Variants in BPIFA2 observed in about 807,000 individuals in gnomAD.
BPIFA2 encodes the protein BPI fold containing family A member 2.
BPIFA2 carries 20 observed loss-of-function variants against 25.7 expected under a neutral mutation model. The ratio of observed to expected loss-of-function variants is 0.78; its 90% CI spans 0.55 to 1.13. BPIFA2 has a LOEUF of 1.13. BPIFA2 is among the 50% of genes most tolerant of loss of function. BPIFA2 has a pLI of 0.00. For synonymous variants in BPIFA2, 126 were observed against 124.3 expected (o/e 1.01, Z -0.09); for missense variants, 300 against 298.1 (o/e 1.01, Z -0.05).
In BPIFA2 at chr20:33,175,459, G is replaced by C. The variant is rs372285288; in HGVS notation, c.463G>C (p.Ala155Pro). Residue 155 changes from alanine (A) to proline (P), a missense_variant, in exon 5 of 9, where the codon GCA becomes CCA. By Grantham distance (27) the Ala-to-Pro change is conservative. Transcript: ENST00000354932. ...GAAAGCCTCCTTGGACCTCCTGACCGCAGTCACAATTGAAACTGATCCCCA... is the reference window on the plus strand; with the variant it reads ...GAAAGCCTCCTTGGACCTCCTGACCCCAGTCACAATTGAAACTGATCCCCA... ...NLKASLDLLT[A>P]VTIETDPQTH... is the part of the protein sequence containing the mutation. 11 of 1,613,840 alleles carry C rather than the reference G, an allele frequency of 6.8e-6. No homozygotes were observed. In the South Asian group the frequency reaches 1.2e-4, roughly 18 times the overall value.
chr20:33,174,889 C>T lies in BPIFA2; in HGVS notation c.411-518C>T, dbSNP rs553911601. Among the ~76,000 whole-genome samples, 86 of 152,114 alleles carry T rather than the reference C, an allele frequency of 5.7e-4. 1 individual carries two copies. The highest frequency in any genetic ancestry group is 1.8e-3 in the African/African-American group (74 of 41,484). ...TTGCACCACTGCATTCCAGCCTGGGCGACAGAGTGAGACCCTGTCTCACAA... is the reference window on the plus strand; with the variant it reads ...TTGCACCACTGCATTCCAGCCTGGGTGACAGAGTGAGACCCTGTCTCACAA... On this transcript the variant is annotated intron_variant, in intron 4 of 8. Transcript: ENST00000354932.
At position 33,176,958 on chromosome 20, in the gene BPIFA2, C is replaced by T. The variant is rs544827634; in HGVS notation, c.564-1189C>T. ...CTTCAGGGCCTTCCCAGGGCTCCTC[C>T]TATTCTCTCTCGTAAGAGTCTAACT... On this transcript the variant is annotated intron_variant, in intron 5 of 8. Transcript: ENST00000354932. Among the ~76,000 whole-genome samples, 4 of 152,330 alleles carry T rather than the reference C, an allele frequency of 2.6e-5. No homozygotes were observed. The East Asian group carries it at 7.7e-4, about 29-fold the overall frequency.
intron 3 of BPIFA2, 24 bp from the exon 4 acceptor site, chr20:33,174,055 G>T (rs763143194): frequency 6.3e-7 from 1 of 1,597,526 alleles, no homozygotes; most frequent in Non-Finnish European, 8.6e-7. Flanking sequence ...GGAGTGACAA[G>T]GGTGAATTGT....
upstream of BPIFA2, among the ~76,000 whole-genome samples, chr20:33,164,885 A>C (rs1177819466): frequency 6.6e-6 from 1 of 152,272 alleles, no homozygotes; most frequent in African/African-American, 2.4e-5. Context: ...TTCAGGGAAC[A>C]TTCCATGGGA....
At chr20:33,172,683 T>G (rs1320126818) in intron 2 of BPIFA2, among the ~76,000 whole-genome samples, 1 of 152,128 alleles carries the variant, frequency 6.6e-6, no homozygotes. Context: ...TCAGTATATA[T>G]TATTAATAGT....
Position 33,169,149 on chromosome 20 carries a change from C to T in BPIFA2, c.4C>T (p.Leu2Phe), listed in dbSNP as rs753094139. ...TGTCCAGGTGTCAAGACAAAAGATGCTTCAGCTTTGGAAACTTGTTCTCCT... is the reference window on the plus strand; with the variant it reads ...TGTCCAGGTGTCAAGACAAAAGATGTTTCAGCTTTGGAAACTTGTTCTCCT... The part of the protein sequence containing the change: M[L>F]QLWKLVLLCG... The change falls in exon 2 of 9, where the codon CTT (leucine) becomes TTT (phenylalanine). Residue 2 changes from leucine to phenylalanine, a missense_variant. Transcript: ENST00000354932. 1.9e-6 allele frequency: 3 copies of T among 1,614,004 alleles called. No individual in the cohort carries two copies. Among genetic ancestry groups the T allele is most frequent in the Non-Finnish European group, 2.5e-6 (3 of 1,179,890 alleles).
At chr20:33,175,669 C>A (rs1056138673) in intron 5 of BPIFA2, 110 bp downstream of exon 5, 4 of 1,214,080 alleles carry the variant, frequency 3.3e-6, no homozygotes, top group Admixed American at 5.0e-5. Context: ...AGTGTTCAGG[C>A]TCTGGAGTCA....
intron 6 of BPIFA2, 54 bp from the exon 7 acceptor site, chr20:33,179,550 A>T (rs371604105): frequency 1.4e-6 from 2 of 1,448,236 alleles, no homozygotes; most frequent in Non-Finnish European, 1.9e-6. Context: ...GAGAAGAATG[A>T]TCTGTTCTTC....
intron 1 of BPIFA2, chr20:33,161,901 A>G (rs1024179481): frequency 6.6e-5 from 10 of 152,244 alleles, no homozygotes; most frequent in African/African-American, 2.4e-4. Context: ...CTGAGGTGGT[A>G]AGCCAAGACC....
At chr20:33,166,476 G>A (rs1297228234), upstream of BPIFA2, among the ~76,000 whole-genome samples, 1 of 152,192 alleles carries the variant, frequency 6.6e-6, no homozygotes, top group Non-Finnish European at 1.5e-5. Context: ...CCTACCCTAT[G>A]CTAAGCCTTC....
intron 4 of BPIFA2, among the ~76,000 whole-genome samples, chr20:33,174,946 G>C (rs1321425): frequency 0.062 from 9,448 of 152,134 alleles, 1,011 homozygotes; most frequent in African/African-American, 0.22. Flanking sequence ...AAAGGAGATA[G>C]ACAAGAAATG....
upstream of BPIFA2, among the ~76,000 whole-genome samples, chr20:33,165,976 T>C (rs1983711317): frequency 6.6e-6 from 1 of 152,108 alleles, no homozygotes. Flanking sequence ...TTATATATTA[T>C]ATAATATTAA....
chr20:33,172,744 C>T (rs117186940), intron 2 of BPIFA2, among the ~76,000 whole-genome samples, 188 bp from the exon 3 acceptor site: 5,279 of 152,156 alleles, frequency 0.035, 136 homozygotes, highest in Non-Finnish European at 0.062. Flanking sequence ...TGGCTAGACA[C>T]GTTTCTTAAC....
chr20:33,175,694 T>C, intron 5 of BPIFA2, 135 bp downstream of exon 5: 1 of 944,172 alleles, frequency 1.1e-6, no homozygotes, highest in Non-Finnish European at 1.5e-6. Context: ...GACCTTGGTT[T>C]ACACATCAGC....
At chr20:33,169,931 C>T (rs117943415) in intron 2 of BPIFA2, among the ~76,000 whole-genome samples, 2,421 of 152,258 alleles carry the variant, frequency 0.016, 35 homozygotes, top group Middle Eastern at 0.045. Context: ...TTTATACCTC[C>T]TTTTTATGCT....
At chr20:33,172,458 G>T (rs1297189377) in intron 2 of BPIFA2, among the ~76,000 whole-genome samples, 14 of 151,898 alleles carry the variant, frequency 9.2e-5, no homozygotes, top group African/African-American at 3.4e-4. Context: ...TGTCATTCTG[G>T]GACTCTCGTT....
chr20:33,173,080 AG>A lies in BPIFA2; in HGVS notation c.302+5del. ...CAACTAACACGGACATTTTTGGGTGAGTTGGTCCTTCAGGGTGGAGATCTTT... is the reference window on the plus strand; with the variant it reads ...CAACTAACACGGACATTTTTGGGTGATTGGTCCTTCAGGGTGGAGATCTTT... On this transcript the variant is annotated splice_donor_5th_base_variant and intron_variant, in intron 3 of 8. Transcript: ENST00000354932. 6.2e-7 allele frequency: 1 copy of A among 1,613,490 alleles called. No individual in the cohort carries two copies. The highest frequency in any genetic ancestry group is 8.5e-7 in the Non-Finnish European group (1 of 1,179,726).
At position 33,172,938 on chromosome 20, in the gene BPIFA2, T is replaced by G; in HGVS notation, c.164T>G (p.Leu55Arg). The change falls in exon 3 of 9, where the codon CTT becomes CGT. Residue 55 changes from leucine (L) to arginine (R), a missense_variant. By Grantham distance (102) the Leu-to-Arg change is moderately radical (BLOSUM62 -2). Transcript: ENST00000354932. ...TGGCGATTGTTTTTGGCAGGCATCC[T>G]TGAGAAACTGAAGGTCGACCTAGGA... ...ETVDNTLKGI[L>R]EKLKVDLGVL... The G allele has an allele frequency of 6.2e-7, 1 of 1,612,396 alleles. No homozygotes were observed. Among genetic ancestry groups the G allele is most frequent in the Non-Finnish European group, 8.5e-7 (1 of 1,179,398 alleles).
At chr20:33,170,162 C>T (rs6059141) in intron 2 of BPIFA2, among the ~76,000 whole-genome samples, 4,417 of 152,168 alleles carry the variant, frequency 0.029, 192 homozygotes, top group African/African-American at 0.098. Flanking sequence ...AAAGTCACCT[C>T]GTGAATTATA....
Sources: gnomAD v4.1 joint callset for allele counts (sites outside exome capture counted in the v4.1 genomes callset) on GRCh38, gnomAD v4.1.1 for gene constraint, MANE v1.5 for transcripts, NCBI Gene and HGNC (gene_info 2026-07-23, HGNC 2026-07-21) for gene names.